The following EYS variants were observed in gnomAD, a reference collection of about 807,000 sequenced individuals.
EYS encodes EGF-like photoreceptor maintenance factor.
EYS carries 250 observed loss-of-function variants against 282.1 expected under a neutral mutation model. That is an observed-to-expected ratio of 0.89 (90% confidence interval 0.80 to 0.98). The LOEUF is 0.98. EYS is among the 50% of genes least tolerant of loss of function. The pLI is 0.00. For missense variants in EYS, 4,016 were observed against 3,709.0 expected (o/e 1.08, Z -2.15); for synonymous variants, 1,355 against 1,282.9 (o/e 1.06, Z -1.20).
At chr6:64,596,677 C>T in intron 24 of EYS, among the ~76,000 whole-genome samples, 1 of 152,106 alleles carries the variant, frequency 6.6e-6, no homozygotes, top group East Asian at 1.9e-4. Flanking sequence ...TAAAACTAGA[C>T]TCGTATCTCT....
Position 64,501,636 on chromosome 6 carries a change from C to T in EYS, c.5645-62284G>A, listed in dbSNP as rs1777047606. Among the ~76,000 whole-genome samples the T allele has an allele frequency of 2.0e-5, 3 of 152,058 alleles. No homozygotes were observed. The South Asian group carries it at 6.2e-4, about 31-fold the overall frequency. On this transcript the variant is annotated intron_variant, in intron 26 of 42. Coordinates refer to ENST00000503581, the MANE Select transcript of EYS (RefSeq NM_001142800.2). Reference sequence around the variant, plus strand: ...TAGGGTTTCTTGCTTCAAGCTGCTACTCGGAAATACCCAAACTTTGGATAA... The same window carrying T: ...TAGGGTTTCTTGCTTCAAGCTGCTATTCGGAAATACCCAAACTTTGGATAA...
At chr6:63,920,326 T>G (rs1764534964) in intron 35 of EYS, among the ~76,000 whole-genome samples, 1 of 152,146 alleles carries the variant, frequency 6.6e-6, no homozygotes, top group Non-Finnish European at 1.5e-5. Flanking sequence ...TCTGATAAAG[T>G]TTAGTTAGTG....
intron 19 of EYS, among the ~76,000 whole-genome samples, chr6:64,860,805 A>G (rs970101972): frequency 6.6e-5 from 10 of 152,174 alleles, no homozygotes; most frequent in Non-Finnish European, 1.0e-4. Flanking sequence ...AGGATGAGCA[A>G]GGTGAAGAAG....
At chr6:64,096,300 C>T (rs1772610504) in intron 31 of EYS, among the ~76,000 whole-genome samples, 1 of 152,164 alleles carries the variant, frequency 6.6e-6, no homozygotes, top group African/African-American at 2.4e-5. Flanking sequence ...GTTGGCCTGC[C>T]TTGCTAGATT....
At chr6:65,405,418 A>C in intron 5 of EYS, 51 bp from the exon 6 acceptor site, 2 of 1,429,922 alleles carry the variant, frequency 1.4e-6, no homozygotes, top group Non-Finnish European at 2.0e-6. Context: ...GAAGGAAAGA[A>C]GAAATGAGCA....
In EYS at chr6:64,070,829, G is replaced by T. The variant is rs181740722; in HGVS notation, c.6572-4338C>A. On this transcript the variant is annotated intron_variant, in intron 32 of 42. Transcript: ENST00000503581. The stretch of plus-strand genomic sequence containing the variant: ...GACAGTGGAAAAGAATACAATGACC[G>T]CTAGTACGATTTGGTGCTGCTGCCT... Among the ~76,000 whole-genome samples, 39 of 152,044 alleles carry T rather than the reference G, an allele frequency of 2.6e-4. No individual in the cohort carries two copies. In the East Asian group the frequency reaches 5.6e-3, roughly 22 times the overall value.
At chr6:65,411,256 T>C (rs1280190637) in intron 5 of EYS, among the ~76,000 whole-genome samples, 1 of 152,102 alleles carries the variant, frequency 6.6e-6, no homozygotes, top group Non-Finnish European at 1.5e-5. Flanking sequence ...ATTTGGCTTC[T>C]TCCAGAAACA....
At chr6:64,750,264 CA>C (rs1280680035) in intron 22 of EYS, among the ~76,000 whole-genome samples, 2 of 151,762 alleles carry the variant, frequency 1.3e-5, no homozygotes, top group African/African-American at 4.8e-5. Flanking sequence ...ACCCAGGTGT[CA>C]AATGATAAAT....
intron 2 of EYS, among the ~76,000 whole-genome samples, chr6:65,619,809 A>C (rs1346333332): frequency 6.6e-6 from 1 of 150,728 alleles, no homozygotes; most frequent in Admixed American, 6.6e-5. Flanking sequence ...CTATTGAGAT[A>C]ATCATGCGGT....
chr6:65,519,781 T>TCA (rs1374540859), intron 2 of EYS, among the ~76,000 whole-genome samples: 2 of 137,870 alleles, frequency 1.5e-5, no homozygotes, highest in African/African-American at 5.4e-5. Context: ...AGTGGAGTGC[T>TCA]CACAGTTCAC....
At chr6:63,984,684 A>C in intron 34 of EYS, 81 bp from the exon 35 acceptor site, 1 of 1,109,948 alleles carries the variant, frequency 9.0e-7, no homozygotes, top group Non-Finnish European at 1.3e-6. Flanking sequence ...TGGTTCTGTA[A>C]TTGGATGTGT....
intron 30 of EYS, among the ~76,000 whole-genome samples, chr6:64,253,333 A>G (rs1456008422): frequency 6.6e-6 from 1 of 152,128 alleles, no homozygotes; most frequent in Non-Finnish European, 1.5e-5. Flanking sequence ...ATTGTTGTAG[A>G]TATCAGTGGG....
chr6:64,529,344 T>TA (rs1217528994), intron 26 of EYS, among the ~76,000 whole-genome samples: 2 of 152,086 alleles, frequency 1.3e-5, no homozygotes, highest in African/African-American at 4.8e-5. Flanking sequence ...TACCAATTCA[T>TA]ACACAATCTT....
At chr6:64,606,136 C>T (rs1403644757) in intron 24 of EYS, among the ~76,000 whole-genome samples, 3 of 151,902 alleles carry the variant, frequency 2.0e-5, no homozygotes, top group Non-Finnish European at 4.4e-5. Flanking sequence ...TAAAAAAAAT[C>T]TTAAATAGTT....
intron 22 of EYS, among the ~76,000 whole-genome samples, chr6:64,726,617 T>C (rs566196045): frequency 3.9e-5 from 6 of 152,250 alleles, no homozygotes; most frequent in African/African-American, 1.4e-4. Context: ...CTATGATAAA[T>C]AGAAGAATTT....
chr6:63,726,764 T>A, intron 41 of EYS, 84 bp from the exon 42 acceptor site: 1 of 1,229,162 alleles, frequency 8.1e-7, no homozygotes, highest in Non-Finnish European at 1.1e-6. Flanking sequence ...ACTGCTTATG[T>A]AATTTTGTAA....
intron 33 of EYS, among the ~76,000 whole-genome samples, chr6:64,038,058 C>G (rs1463503808): frequency 2.0e-5 from 3 of 151,656 alleles, no homozygotes; most frequent in African/African-American, 7.3e-5. Context: ...TTAAAATCTC[C>G]TTATGCAAAA....
At chr6:65,060,585 A>C (rs1343435237) in intron 12 of EYS, among the ~76,000 whole-genome samples, 4 of 151,724 alleles carry the variant, frequency 2.6e-5, no homozygotes, top group African/African-American at 9.7e-5. Flanking sequence ...AACCACAATG[A>C]ATTTTTAAAT....
chr6:64,860,085 G>A (rs1160466967), intron 19 of EYS, among the ~76,000 whole-genome samples: 1 of 151,980 alleles, frequency 6.6e-6, no homozygotes. Context: ...TGTGTCTTCT[G>A]GATCCAGTGG....
Sources: gnomAD v4.1 joint callset for allele counts (sites outside exome capture counted in the v4.1 genomes callset) on GRCh38, gnomAD v4.1.1 for gene constraint, MANE v1.5 for transcripts, NCBI Gene and HGNC (gene_info 2026-07-23, HGNC 2026-07-21) for gene names.